ESRRB: variants seen among roughly 807,000 people sequenced by gnomAD.
ESRRB encodes the protein estrogen related receptor beta.
ESRRB carries 16 observed loss-of-function variants against 46.0 expected under a neutral mutation model. That is an observed-to-expected ratio of 0.35 (90% confidence interval 0.24 to 0.53). The LOEUF is 0.53. Among genes scored for constraint, ESRRB ranks in the 20% least tolerant of loss-of-function variants. ESRRB has a pLI of 0.93. For synonymous variants in ESRRB, 246 were observed against 259.6 expected (o/e 0.95, Z 0.50); for missense variants, 488 against 607.4 (o/e 0.80, Z 2.07).
At chr14:76,350,842 T>C (rs12882037) in intron 1 of ESRRB, among the ~76,000 whole-genome samples, 110,920 of 152,078 alleles carry the variant, frequency 0.73, 40,619 homozygotes, top group Middle Eastern at 0.78. Context: ...TGCCCTGTCC[T>C]TCGGCAGGAA....
chr14:76,400,639 C>T (rs935271292), intron 1 of ESRRB, among the ~76,000 whole-genome samples: 2 of 152,160 alleles, frequency 1.3e-5, no homozygotes, highest in South Asian at 4.1e-4. Context: ...TGGGAATTAT[C>T]TTGTGTGGTT....
chr14:76,327,222 C>T (rs1408904209), intron 1 of ESRRB, among the ~76,000 whole-genome samples: 3 of 152,218 alleles, frequency 2.0e-5, no homozygotes, highest in African/African-American at 7.2e-5. Context: ...CTGCGTGTCA[C>T]CCAGGGCTGG....
At chr14:76,468,944 C>A (rs1364600001) in intron 3 of ESRRB, among the ~76,000 whole-genome samples, 1 of 152,078 alleles carries the variant, frequency 6.6e-6, no homozygotes, top group Non-Finnish European at 1.5e-5. Context: ...ACCCTCCTAC[C>A]ATTGAATCCA....
At chr14:76,361,131 C>T (rs1014195321) in intron 1 of ESRRB, among the ~76,000 whole-genome samples, 7 of 152,212 alleles carry the variant, frequency 4.6e-5, no homozygotes, top group Admixed American at 2.6e-4. Context: ...ATTTGAGAAG[C>T]TGCCCCTGTG....
At chr14:76,340,778 A>G (rs967398807) in intron 1 of ESRRB, among the ~76,000 whole-genome samples, 5 of 152,186 alleles carry the variant, frequency 3.3e-5, no homozygotes, top group African/African-American at 1.2e-4. Context: ...GACTTTGTAG[A>G]CAAGGCACAA....
intron 1 of ESRRB, among the ~76,000 whole-genome samples, chr14:76,353,006 C>T (rs1003266922): frequency 2.0e-5 from 3 of 152,222 alleles, no homozygotes; most frequent in Non-Finnish European, 2.9e-5. Context: ...GCAGGGTCGC[C>T]GGGTAGGCAC....
At chr14:76,444,854 T>G (rs1208370659) in intron 2 of ESRRB, among the ~76,000 whole-genome samples, 3 of 152,100 alleles carry the variant, frequency 2.0e-5, no homozygotes, top group African/African-American at 7.2e-5. Flanking sequence ...CGAGTGCCTG[T>G]AAATGCTTGG....
intron 5 of ESRRB, among the ~76,000 whole-genome samples, chr14:76,484,430 A>G (rs1160527534): frequency 6.6e-6 from 1 of 152,240 alleles, no homozygotes; most frequent in African/African-American, 2.4e-5. Context: ...ATGTGGGGTC[A>G]GGCCACTGCT....
intron 1 of ESRRB, among the ~76,000 whole-genome samples, chr14:76,363,109 T>C (rs1390589889): frequency 2.0e-5 from 3 of 152,126 alleles, no homozygotes; most frequent in Non-Finnish European, 2.9e-5. Flanking sequence ...AATGGCTAGG[T>C]TGAGAATCCA....
chr14:76,379,477 G>A (rs1884918232), intron 1 of ESRRB, among the ~76,000 whole-genome samples: 1 of 152,164 alleles, frequency 6.6e-6, no homozygotes, highest in Non-Finnish European at 1.5e-5. Context: ...CAGTGACCCG[G>A]AGAAAAACAA....
intron 1 of ESRRB, among the ~76,000 whole-genome samples, chr14:76,403,699 G>C (rs376343823): frequency 5.3e-5 from 8 of 152,210 alleles, no homozygotes; most frequent in African/African-American, 1.9e-4. Flanking sequence ...TGGAGGTGGT[G>C]ACAGGTGGTA....
intron 1 of ESRRB, among the ~76,000 whole-genome samples, chr14:76,325,192 G>A (rs573256774): frequency 3.3e-5 from 5 of 152,080 alleles, no homozygotes; most frequent in Non-Finnish European, 5.9e-5. Flanking sequence ...CTGACCTCAG[G>A]TGATCCGCCC....
chr14:76,360,128 C>T (rs935283960), intron 1 of ESRRB, among the ~76,000 whole-genome samples: 2 of 152,216 alleles, frequency 1.3e-5, no homozygotes. Flanking sequence ...TTCTCTTCCT[C>T]CCTCTCTGAG....
At position 76,310,866 on chromosome 14, in the gene ESRRB, C is replaced by T. The variant is rs779187675; in HGVS notation, c.-49C>T. 8.6e-5 allele frequency: 39 copies of T among 455,034 alleles called. 1 individual carries two copies. The highest frequency in any genetic ancestry group is 6.0e-4 in the South Asian group (39 of 64,486). The allele number at this position is 455,034 out of a possible 1,614,324, so 28.2% of individuals were successfully genotyped here. ...CAGCAACTGAAAGCACCTGAGGGGC[C>T]GCACATTCCACCCCAGCCCAGTCCT... On this transcript the variant is annotated 5_prime_UTR_variant, in exon 1 of 7. Coordinates refer to the ESRRB transcript ENST00000512784.
chr14:76,458,083 G>A (rs1888685655), intron 2 of ESRRB, among the ~76,000 whole-genome samples: 1 of 152,152 alleles, frequency 6.6e-6, no homozygotes, highest in African/African-American at 2.4e-5. Context: ...CCAAAGTGGA[G>A]TCTGCACCTG....
chr14:76,419,502 A>G (rs1441488580), intron 1 of ESRRB, among the ~76,000 whole-genome samples: 3 of 152,116 alleles, frequency 2.0e-5, no homozygotes, highest in African/African-American at 7.2e-5. Context: ...GTTAGCTGGG[A>G]TAAGACATGG....
intron 1 of ESRRB, among the ~76,000 whole-genome samples, chr14:76,317,967 G>A (rs1022441242): frequency 6.6e-6 from 1 of 152,160 alleles, no homozygotes; most frequent in Non-Finnish European, 1.5e-5. Context: ...TGTGGCTTTA[G>A]CATCATTCTC....
Position 76,477,370 on chromosome 14 carries a change from TG to T in ESRRB, c.578-4644del, listed in dbSNP as rs1889625130. Among the ~76,000 whole-genome samples the T allele has an allele frequency of 3.3e-5, 5 of 152,302 alleles. No individual in the cohort carries two copies. In the South Asian group the frequency reaches 1.0e-3, roughly 32 times the overall value. ...AGATGAATGTTGAAGTGCTATGGGT[TG>T]GCAGGAGGGTGGTAGAAGAGATGGC... On this transcript the variant is annotated intron_variant, in intron 3 of 6. Transcript: ENST00000644823.
chr14:76,463,445 G>GTTTTTTTTGT (rs1362309981), intron 3 of ESRRB: 7 of 114,732 alleles, frequency 6.1e-5, no homozygotes, highest in Non-Finnish European at 5.3e-5. Context: ...ATGCTTCTTT[G>GTTTTTTTTGT]TTTTTTTTTT....
Sources: allele counts gnomAD v4.1 joint callset (sites outside exome capture counted in the v4.1 genomes callset), GRCh38; gene constraint gnomAD v4.1.1; transcripts MANE v1.5; gene names NCBI Gene and HGNC (gene_info 2026-07-23, HGNC 2026-07-21).